IPP: variants seen among roughly 807,000 people sequenced by gnomAD.
IPP encodes actin-binding protein IPP.
In IPP, 41 loss-of-function variants were observed where a neutral mutation model predicts 64.1. The ratio of observed to expected loss-of-function variants is 0.64; its 90% CI spans 0.50 to 0.83. The LOEUF is 0.83. Ranked by LOEUF, IPP falls within the 40% of genes least tolerant of loss-of-function variation. IPP has a pLI of 0.00. For missense variants in IPP, 649 were observed against 703.0 expected (o/e 0.92, Z 0.87); for synonymous variants, 214 against 235.2 (o/e 0.91, Z 0.83).
At chr1:45,749,817 G>A (rs971836512) in intron 1 of IPP, among the ~76,000 whole-genome samples, 15 of 151,992 alleles carry the variant, frequency 9.9e-5, no homozygotes, top group Non-Finnish European at 2.2e-4. Flanking sequence ...ACCGCGCCCG[G>A]CCAGGGAGGA....
intron 6 of IPP, 133 bp from the exon 7 acceptor site, chr1:45,717,150 G>A (rs1156243486): frequency 3.1e-6 from 2 of 650,160 alleles, no homozygotes; most frequent in East Asian, 4.9e-5. Flanking sequence ...TCTGTTCCAC[G>A]ATCCCATGAA....
chr1:45,699,421 TTA>T lies in IPP; in HGVS notation c.*543_*544del. 2.0e-6 allele frequency: 2 copies of T among 986,058 alleles called. No homozygotes were observed. Among genetic ancestry groups the T allele is most frequent in the Non-Finnish European group, 2.4e-6 (2 of 830,264 alleles). The allele number at this position is 986,058 out of a possible 1,614,324, so 61.1% of individuals were successfully genotyped here. A position where few individuals can be genotyped will look rare whatever the true frequency, so the allele number is the denominator to read the frequency against. ...CACTATTCCTATATCACATAAAGTT[TTA>T]TGTTACAATTTATACTGCACTGGAG... is the stretch of plus-strand genomic sequence containing the variant. On this transcript the variant is annotated 3_prime_UTR_variant, in exon 9 of 9. Coordinates refer to ENST00000396478, the MANE Select transcript of IPP (RefSeq NM_005897.3).
chr1:45,739,513 C>T (rs1189076505), intron 3 of IPP, among the ~76,000 whole-genome samples: 1 of 143,448 alleles, frequency 7.0e-6, no homozygotes, highest in Non-Finnish European at 1.5e-5. Context: ...CCTTGGCCTG[C>T]TAAAGTGCCA....
At chr1:45,743,589 G>A (rs994977189) in intron 2 of IPP, among the ~76,000 whole-genome samples, 1 of 151,844 alleles carries the variant, frequency 6.6e-6, no homozygotes, top group Admixed American at 6.6e-5. Context: ...GGTGGTGTGT[G>A]TTGTGGTCCT....
rs557837270 is a variant in IPP at position 45,700,441 on chromosome 1, A to C, written c.1531-251T>G. ...AGCGCAGCCTCAACCTCCCAGACTC[A>C]AGAGCTCCTCTTGCCTCAGCCTCCT... On this transcript the variant is annotated intron_variant, in intron 8 of 8. Coordinates refer to ENST00000396478, the MANE Select transcript of IPP (RefSeq NM_005897.3). Among the ~76,000 whole-genome samples, 5 of 152,160 alleles carry C rather than the reference A, an allele frequency of 3.3e-5. No individual in the cohort carries two copies. The South Asian group carries it at 1.0e-3, about 32-fold the overall frequency.
chr1:45,711,878 T>C (rs1645595808), intron 8 of IPP, among the ~76,000 whole-genome samples: 1 of 151,714 alleles, frequency 6.6e-6, no homozygotes, highest in Non-Finnish European at 1.5e-5. Flanking sequence ...ATCTTCAAAA[T>C]ATGTGAAGCT....
chr1:45,724,851 G>A (rs1247499493), intron 5 of IPP, among the ~76,000 whole-genome samples: 1 of 150,596 alleles, frequency 6.6e-6, no homozygotes, highest in Non-Finnish European at 1.5e-5. Context: ...AGTGAGGAGC[G>A]TCTCCGCCCG....
chr1:45,708,266 G>A, intron 8 of IPP, among the ~76,000 whole-genome samples: 1 of 151,484 alleles, frequency 6.6e-6, no homozygotes, highest in East Asian at 2.0e-4. Context: ...GGGTTTCACT[G>A]TGTTAGCCAG....
At chr1:45,710,135 G>T (rs1645570597) in intron 8 of IPP, among the ~76,000 whole-genome samples, 1 of 94,852 alleles carries the variant, frequency 1.1e-5, no homozygotes, top group South Asian at 4.0e-4. Flanking sequence ...TAAGACAGGA[G>T]AATTGCTTGA....
chr1:45,699,848 C>A lies in IPP; in HGVS notation c.*118G>T. Reference sequence around the variant, plus strand: ...CCAGCCTCGTTAGTCATTTATCTACCAAATACATGGAAAACTCACAGAATC... The same window carrying A: ...CCAGCCTCGTTAGTCATTTATCTACAAAATACATGGAAAACTCACAGAATC... On this transcript the variant is annotated 3_prime_UTR_variant, in exon 9 of 9. Coordinates refer to ENST00000396478, the MANE Select transcript of IPP (RefSeq NM_005897.3). 2 of 1,497,806 alleles carry A rather than the reference C, an allele frequency of 1.3e-6. No homozygotes were observed. The highest frequency in any genetic ancestry group is 1.8e-6 in the Non-Finnish European group (2 of 1,127,554). The allele number at this position is 1,497,806 out of a possible 1,614,324, so 92.8% of individuals were successfully genotyped here.
chr1:45,729,057 A>T (rs1325128985), intron 4 of IPP, among the ~76,000 whole-genome samples: 1 of 151,372 alleles, frequency 6.6e-6, no homozygotes, highest in East Asian at 1.9e-4. Flanking sequence ...GAGGCAGTAG[A>T]ATCGCTTGAA....
chr1:45,726,912 G>T (rs1161544066), intron 5 of IPP, among the ~76,000 whole-genome samples: 1 of 151,878 alleles, frequency 6.6e-6, no homozygotes, highest in African/African-American at 2.4e-5. Flanking sequence ...TTTTTGTAGA[G>T]ACAAGGTTTC....
chr1:45,707,831 T>A (rs1307701824), intron 8 of IPP, among the ~76,000 whole-genome samples: 1 of 152,070 alleles, frequency 6.6e-6, no homozygotes, highest in Non-Finnish European at 1.5e-5. Context: ...ATTAAAGCTA[T>A]AATCCCACAG....
chr1:45,708,648 C>T (rs942612279), intron 8 of IPP, among the ~76,000 whole-genome samples: 1 of 142,038 alleles, frequency 7.0e-6, no homozygotes, highest in Non-Finnish European at 1.5e-5. Flanking sequence ...CACTGCACTC[C>T]AGCCTGGGTG....
chr1:45,704,750 T>A (rs1557737868), intron 8 of IPP, among the ~76,000 whole-genome samples: 1 of 152,146 alleles, frequency 6.6e-6, no homozygotes, highest in Non-Finnish European at 1.5e-5. Flanking sequence ...TGAGGGTGGC[T>A]ATGAGGTAGA....
chr1:45,750,344 G>A lies in IPP; in HGVS notation c.-51+253C>T, dbSNP rs181163724. Among the ~76,000 whole-genome samples, 263 of 152,320 alleles carry A rather than the reference G, an allele frequency of 1.7e-3. 1 individual carries two copies. Among genetic ancestry groups the A allele is most frequent in the African/African-American group, 6.0e-3 (250 of 41,564 alleles). On this transcript the variant is annotated intron_variant, in intron 1 of 8. Transcript: ENST00000396478. ...CTCAGACAAACGAGGCGACAACAGA[G>A]GGACTGGGGACACAGCCTCAGGATT...
At chr1:45,712,640 G>T (rs906742237) in intron 8 of IPP, among the ~76,000 whole-genome samples, 1 of 151,480 alleles carries the variant, frequency 6.6e-6, no homozygotes, top group Non-Finnish European at 1.5e-5. Flanking sequence ...GGAAGATCAC[G>T]AGGTCAGGAG....
At chr1:45,716,410 A>G (rs570347306) in intron 7 of IPP, among the ~76,000 whole-genome samples, 1 of 152,182 alleles carries the variant, frequency 6.6e-6, no homozygotes, top group Non-Finnish European at 1.5e-5. Flanking sequence ...ATGCCCAGCT[A>G]ATTTTTGTAT....
intron 1 of IPP, among the ~76,000 whole-genome samples, chr1:45,749,713 G>A (rs1646193928): frequency 2.0e-5 from 3 of 151,398 alleles, no homozygotes; most frequent in African/African-American, 7.3e-5. Context: ...GTAGAGACGG[G>A]GTTTCACCGT....
Sources: allele counts gnomAD v4.1 joint callset (sites outside exome capture counted in the v4.1 genomes callset), GRCh38; gene constraint gnomAD v4.1.1; transcripts MANE v1.5; gene names NCBI Gene and HGNC (gene_info 2026-07-23, HGNC 2026-07-21).